PRKG1: variants seen among roughly 807,000 people sequenced by gnomAD.
PRKG1 encodes cGMP-dependent protein kinase 1.
Under a neutral mutation model 88.1 loss-of-function variants are expected in PRKG1, and 35 were observed. That is an observed-to-expected ratio of 0.40 (90% confidence interval 0.30 to 0.53). The LOEUF is 0.53. Among genes scored for constraint, PRKG1 ranks in the 20% least tolerant of loss-of-function variants. PRKG1 has a pLI of 0.59. For missense variants in PRKG1, 540 were observed against 839.8 expected (o/e 0.64, Z 4.41); for synonymous variants, 303 against 292.5 (o/e 1.04, Z -0.37).
At chr10:51,281,506 AG>A (rs1336611690) in intron 2 of PRKG1, among the ~76,000 whole-genome samples, 1 of 152,032 alleles carries the variant, frequency 6.6e-6, no homozygotes, top group Non-Finnish European at 1.5e-5. Flanking sequence ...AGGCTGGGGG[AG>A]GGGTGCCCGC....
chr10:51,382,844 G>T (rs1031743241), intron 2 of PRKG1, among the ~76,000 whole-genome samples: 3 of 152,160 alleles, frequency 2.0e-5, no homozygotes, highest in African/African-American at 7.2e-5. Context: ...TTAGCTGCCA[G>T]TGGGTCTAGG....
At chr10:51,923,715 C>G (rs1198050588) in intron 5 of PRKG1, among the ~76,000 whole-genome samples, 1 of 151,656 alleles carries the variant, frequency 6.6e-6, no homozygotes, top group East Asian at 1.9e-4. Context: ...TATTCATAAT[C>G]TATAATAACT....
chr10:51,904,975 T>C lies in PRKG1; in HGVS notation c.699-2532T>C, dbSNP rs111604736. ...GTGTAGTATAATAGGAATAAGCTGG[T>C]CTAAAGAAGGAAGCCAATTATAATA... On this transcript the variant is annotated intron_variant, in intron 4 of 17. Coordinates refer to ENST00000373980, the MANE Select transcript of PRKG1 (RefSeq NM_006258.4). Among the ~76,000 whole-genome samples the C allele has an allele frequency of 5.6e-3, 855 of 152,232 alleles. 12 individuals carry two copies. Among genetic ancestry groups the C allele is most frequent in the African/African-American group, 0.02 (815 of 41,562 alleles).
intron 2 of PRKG1, among the ~76,000 whole-genome samples, chr10:51,377,961 G>A (rs996931452): frequency 9.2e-5 from 14 of 152,306 alleles, no homozygotes; most frequent in Middle Eastern, 3.4e-3. Context: ...GCCTAACCAC[G>A]AATGAAACTC....
rs190563158 is a variant in PRKG1 at position 51,132,732 on chromosome 10, T to C, written c.312-20432T>C. Among the ~76,000 whole-genome samples the C allele has an allele frequency of 4.6e-3, 685 of 147,966 alleles. 5 individuals carry two copies. Among genetic ancestry groups the C allele is most frequent in the African/African-American group, 9.7e-3 (397 of 40,856 alleles). The stretch of plus-strand genomic sequence containing the variant: ...TGTTATATATATATTATATATGTAA[T>C]ATAATATATATATATAAAATTTAAG... On this transcript the variant is annotated intron_variant, in intron 1 of 17. Coordinates refer to ENST00000373980, the MANE Select transcript of PRKG1 (RefSeq NM_006258.4).
chr10:51,926,935 C>T (rs1416351206), intron 5 of PRKG1, among the ~76,000 whole-genome samples: 1 of 151,962 alleles, frequency 6.6e-6, no homozygotes, highest in Non-Finnish European at 1.5e-5. Flanking sequence ...GAAAGCATTG[C>T]AGCCTGGCAA....
At chr10:51,484,762 A>C (rs1307220238) in intron 3 of PRKG1, among the ~76,000 whole-genome samples, 1 of 152,156 alleles carries the variant, frequency 6.6e-6, no homozygotes, top group African/African-American at 2.4e-5. Flanking sequence ...CTCAACAAAA[A>C]ATTGCTTTTT....
chr10:51,034,671 TATATATATATA>T lies in PRKG1; in HGVS notation c.266+43028_266+43038del, dbSNP rs1843330582. On this transcript the variant is annotated intron_variant, in intron 1 of 17. Transcript: ENST00000401604. ...AAAATTATATATAATATGTTATTTA[TATATATATATA>T]TATATATATATATATATATATATAT... is the stretch of plus-strand genomic sequence containing the variant. 2.7e-3 allele frequency among the ~76,000 whole-genome samples: 118 copies of T among 44,412 alleles called. 7 individuals are homozygous for T. The highest frequency in any genetic ancestry group is 7.1e-3 in the East Asian group (6 of 850). The allele number at this position is 44,412 out of a possible 152,430, so 29.1% of individuals were successfully genotyped here.
At chr10:52,188,314 A>G (rs1564509224) in intron 9 of PRKG1, among the ~76,000 whole-genome samples, 2 of 121,912 alleles carry the variant, frequency 1.6e-5, no homozygotes, top group African/African-American at 3.5e-5. Flanking sequence ...ATATATATAC[A>G]TATGTATATA....
intron 1 of PRKG1, among the ~76,000 whole-genome samples, chr10:51,083,590 G>A (rs1433621166): frequency 6.6e-6 from 1 of 151,240 alleles, no homozygotes; most frequent in Admixed American, 6.6e-5. Context: ...AGTACTTTCC[G>A]AGGAGACTTC....
chr10:52,013,431 A>AT (rs533348283), intron 5 of PRKG1, among the ~76,000 whole-genome samples: 12,757 of 151,564 alleles, frequency 0.084, 767 homozygotes, highest in Non-Finnish European at 0.13. Flanking sequence ...AAAAAAAAAA[A>AT]AGAAAGATGG....
intron 10 of PRKG1, among the ~76,000 whole-genome samples, chr10:52,253,650 C>G (rs1219426220): frequency 6.6e-6 from 1 of 151,564 alleles, no homozygotes; most frequent in African/African-American, 2.4e-5. Context: ...TACATATAAT[C>G]TCCATCCCCA....
intron 5 of PRKG1, among the ~76,000 whole-genome samples, chr10:52,013,033 T>C (rs1205572258): frequency 3.9e-5 from 6 of 152,172 alleles, no homozygotes; most frequent in African/African-American, 1.2e-4. Flanking sequence ...CTTAGGAATG[T>C]TGTAGTCTAA....
chr10:51,131,459 A>G (rs1845565041), intron 1 of PRKG1, among the ~76,000 whole-genome samples: 2 of 152,166 alleles, frequency 1.3e-5, no homozygotes, highest in African/African-American at 4.8e-5. Context: ...AAAACGGAAG[A>G]TGATGGGCTG....
At chr10:51,133,863 A>G (rs1845629692) in intron 1 of PRKG1, among the ~76,000 whole-genome samples, 1 of 152,204 alleles carries the variant, frequency 6.6e-6, no homozygotes, top group Non-Finnish European at 1.5e-5. Flanking sequence ...AAAAAGATAA[A>G]TGGGAGAGGT....
At chr10:51,189,581 A>G (rs968554847) in intron 2 of PRKG1, among the ~76,000 whole-genome samples, 1 of 151,948 alleles carries the variant, frequency 6.6e-6, no homozygotes, top group African/African-American at 2.4e-5. Flanking sequence ...CAGAAGTTGC[A>G]TAATAAACTC....
chr10:51,856,920 C>T lies in PRKG1; in HGVS notation c.699-50587C>T, dbSNP rs148458093. On this transcript the variant is annotated intron_variant, in intron 4 of 17. Transcript: ENST00000373980. ...CGGAGGTTGCAGTGAGCTGAGATTG[C>T]GCCACTGCACTCCAGTCTGGGCGAC... Among the ~76,000 whole-genome samples, 765 of 147,758 alleles carry T rather than the reference C, an allele frequency of 5.2e-3. 8 individuals carry two copies. The highest frequency in any genetic ancestry group is 0.018 in the African/African-American group (720 of 40,554).
At chr10:51,614,518 C>G (rs1370863428) in intron 3 of PRKG1, among the ~76,000 whole-genome samples, 5 of 150,706 alleles carry the variant, frequency 3.3e-5, no homozygotes, top group African/African-American at 9.7e-5. Flanking sequence ...AGAATTTAAT[C>G]TATTTATATT....
At chr10:52,086,201 C>A (rs1846909377) in intron 7 of PRKG1, among the ~76,000 whole-genome samples, 1 of 152,104 alleles carries the variant, frequency 6.6e-6, no homozygotes, top group South Asian at 2.1e-4. Context: ...ATCCTTTCCA[C>A]CCTGTTCTCC....
Sources: allele counts gnomAD v4.1 joint callset (sites outside exome capture counted in the v4.1 genomes callset), GRCh38; gene constraint gnomAD v4.1.1; transcripts MANE v1.5; gene names NCBI Gene and HGNC (gene_info 2026-07-23, HGNC 2026-07-21).